The following DLG2 variants were observed in gnomAD, a reference collection of about 807,000 sequenced individuals.
DLG2 encodes the protein discs large MAGUK scaffold protein 2.
A neutral mutation model predicts 132.5 loss-of-function variants in DLG2; 45 were observed. The ratio of observed to expected loss-of-function variants is 0.34; its 90% confidence interval spans 0.27 to 0.44. The LOEUF (loss-of-function observed/expected upper bound fraction) is 0.44, where lower values mean the gene tolerates loss of function less well. DLG2 is among the 20% of genes least tolerant of loss of function. DLG2 has a pLI of 1.00. For missense variants in DLG2, 1,045 were observed against 1,196.9 expected (o/e 0.87, Z 1.87); for synonymous variants, 424 against 419.6 (o/e 1.01, Z -0.13).
At chr11:85,067,728 G>A (rs575744500) in intron 6 of DLG2, among the ~76,000 whole-genome samples, 1 of 151,544 alleles carries the variant, frequency 6.6e-6, no homozygotes, top group African/African-American at 2.4e-5. Context: ...CTGGTACAAG[G>A]AGGAGGAGGA....
intron 8 of DLG2, among the ~76,000 whole-genome samples, chr11:84,195,685 T>C (rs2154294810): frequency 6.6e-6 from 1 of 152,302 alleles, no homozygotes; most frequent in Non-Finnish European, 1.5e-5. Flanking sequence ...TTACGACAAT[T>C]CTTGATAAAT....
At chr11:84,449,776 C>T (rs1191620176) in intron 7 of DLG2, among the ~76,000 whole-genome samples, 1 of 151,452 alleles carries the variant, frequency 6.6e-6, no homozygotes, top group Non-Finnish European at 1.5e-5. Context: ...AACTTATTGC[C>T]ATCCGAATAA....
intron 20 of DLG2, among the ~76,000 whole-genome samples, chr11:83,536,549 G>T (rs2095880337): frequency 6.8e-6 from 1 of 147,296 alleles, no homozygotes; most frequent in Non-Finnish European, 1.5e-5. Flanking sequence ...GAAAATAGGG[G>T]TCTAAATAAC....
chr11:84,613,252 T>C (rs2099598478), intron 6 of DLG2, among the ~76,000 whole-genome samples: 1 of 152,230 alleles, frequency 6.6e-6, no homozygotes, highest in South Asian at 2.1e-4. Flanking sequence ...AATAATACCA[T>C]GAGATAGTTT....
intron 6 of DLG2, among the ~76,000 whole-genome samples, chr11:84,892,773 C>G (rs1336755128): frequency 6.6e-6 from 1 of 151,908 alleles, no homozygotes; most frequent in Non-Finnish European, 1.5e-5. Context: ...CTTTTGCTTC[C>G]CACCAATTCA....
At chr11:85,316,005 G>A (rs992368394) in intron 3 of DLG2, among the ~76,000 whole-genome samples, 5 of 151,930 alleles carry the variant, frequency 3.3e-5, no homozygotes, top group African/African-American at 9.7e-5. Flanking sequence ...CTCTGAGGAC[G>A]ATTTGACCCC....
At chr11:83,952,217 A>G (rs1410659196) in intron 14 of DLG2, among the ~76,000 whole-genome samples, 3 of 152,076 alleles carry the variant, frequency 2.0e-5, no homozygotes, top group African/African-American at 4.8e-5. Context: ...GTGGTGGCAT[A>G]TGCCTGCTAT....
chr11:85,474,556 A>G (rs75823814), intron 3 of DLG2, among the ~76,000 whole-genome samples: 5,384 of 151,966 alleles, frequency 0.035, 142 homozygotes, highest in Admixed American at 0.053. Context: ...AACCCAGCCT[A>G]TGAAATATAT....
intron 11 of DLG2, among the ~76,000 whole-genome samples, chr11:84,002,956 G>A (rs1447864874): frequency 6.6e-6 from 1 of 152,036 alleles, no homozygotes; most frequent in African/African-American, 2.4e-5. Context: ...CTATCTCTTT[G>A]TGAATGCGTA....
chr11:83,951,841 G>C (rs1239535173), intron 14 of DLG2, among the ~76,000 whole-genome samples: 3 of 152,172 alleles, frequency 2.0e-5, no homozygotes, highest in African/African-American at 7.2e-5. Flanking sequence ...GCTGTTTAGG[G>C]AGCTATTGCA....
chr11:83,471,593 G>T (rs1382025303), intron 24 of DLG2, 33 bp downstream of exon 24: 3 of 1,500,272 alleles, frequency 2.0e-6, no homozygotes, highest in East Asian at 2.3e-5. Context: ...AGCTCTTTTT[G>T]TTTTTCCTAG....
intron 4 of DLG2, among the ~76,000 whole-genome samples, chr11:85,172,430 CAAGA>C: frequency 6.6e-6 from 1 of 152,298 alleles, no homozygotes; most frequent in South Asian, 2.1e-4. Flanking sequence ...ACAACATCAA[CAAGA>C]AAGACCCCAC....
intron 19 of DLG2, among the ~76,000 whole-genome samples, chr11:83,580,878 C>T (rs1476295952): frequency 2.7e-5 from 3 of 112,880 alleles, no homozygotes; most frequent in Admixed American, 2.6e-4. Flanking sequence ...ACCCTTCTCT[C>T]CCCTCCTCTC....
intron 3 of DLG2, among the ~76,000 whole-genome samples, chr11:85,437,813 A>AAATAAAGTAT (rs1178978831): frequency 6.6e-6 from 1 of 152,196 alleles, no homozygotes; most frequent in Non-Finnish European, 1.5e-5. Context: ...AAATAAAGTA[A>AAATAAAGTAT]AATAAAGTGA....
chr11:83,795,441 A>C (rs12787353), intron 17 of DLG2, among the ~76,000 whole-genome samples: 25,694 of 147,174 alleles, frequency 0.17, 2,506 homozygotes, highest in African/African-American at 0.25. Flanking sequence ...ATCTATATCT[A>C]TATATCTATA....
chr11:84,436,379 G>A (rs144178856), intron 7 of DLG2, among the ~76,000 whole-genome samples: 1 of 152,160 alleles, frequency 6.6e-6, no homozygotes, highest in Non-Finnish European at 1.5e-5. Flanking sequence ...TGAATAGCAA[G>A]TTATAGTGAA....
At chr11:84,652,840 G>A (rs1211471355) in intron 6 of DLG2, among the ~76,000 whole-genome samples, 1 of 151,944 alleles carries the variant, frequency 6.6e-6, no homozygotes, top group Non-Finnish European at 1.5e-5. Context: ...GAAGAACCTG[G>A]ATATAAATCT....
At chr11:85,536,690 A>G (rs868078641) in intron 3 of DLG2, among the ~76,000 whole-genome samples, 2 of 152,246 alleles carry the variant, frequency 1.3e-5, no homozygotes, top group African/African-American at 4.8e-5. Flanking sequence ...AGGTGAGCGC[A>G]GGCTTGGCAA....
At chr11:83,525,644 T>C (rs2095588598) in intron 21 of DLG2, among the ~76,000 whole-genome samples, 1 of 152,198 alleles carries the variant, frequency 6.6e-6, no homozygotes, top group Admixed American at 6.5e-5. Flanking sequence ...AAAGCCTGCC[T>C]TCCTGATGCC....
Sources: allele counts gnomAD v4.1 joint callset (sites outside exome capture counted in the v4.1 genomes callset), GRCh38; gene constraint gnomAD v4.1.1; transcripts MANE v1.5; gene names NCBI Gene and HGNC (gene_info 2026-07-23, HGNC 2026-07-21).